The following SMO variants were observed in gnomAD, a reference collection of about 807,000 sequenced individuals.
SMO encodes the protein smoothened, frizzled class receptor, also known as protein smoothened.
Under a neutral mutation model 81.6 loss-of-function variants are expected in SMO, and 40 were observed. The ratio of observed to expected loss-of-function variants is 0.49; its 90% CI spans 0.38 to 0.64. SMO has a LOEUF of 0.64. SMO is among the 30% of genes least tolerant of loss of function. The probability of loss-of-function intolerance (pLI) is 0.00; values close to 1 mark genes in which losing one functional copy is unlikely to be tolerated. For missense variants in SMO, 916 were observed against 1,061.1 expected, an observed-to-expected ratio of 0.86 and a Z score of 1.90; for synonymous variants, 434 against 432.1, an observed-to-expected ratio of 1.00 and a Z score of -0.05.
intron 1 of SMO, among the ~76,000 whole-genome samples, chr7:129,197,162 G>T (rs1038950698): frequency 6.6e-6 from 1 of 151,952 alleles, no homozygotes; most frequent in Non-Finnish European, 1.5e-5. Flanking sequence ...TGTGAGTAAT[G>T]AGTTTTGTTT....
rs56358283 is a variant in SMO at position 129,206,382 on chromosome 7, G to C, written c.1140+13G>C. The C allele has an allele frequency of 6.2e-7, 1 of 1,614,104 alleles. No homozygotes were observed. ...TGCTGTGGCGCAGGTATAGTGACTG[G>C]TAGGAACGGGAGACCTGGATGGGGT... On this transcript the variant is annotated intron_variant, in intron 5 of 11. Coordinates refer to ENST00000249373, the MANE Select transcript of SMO (RefSeq NM_005631.5). This position sits in a 1 kb window ranked among gnomAD's most constrained non-coding sequence, Gnocchi z 4.4.
chr7:129,211,784 A>G lies in SMO; in HGVS notation c.1936+14A>G. The G allele has an allele frequency of 6.2e-7, 1 of 1,613,974 alleles. No individual in the cohort carries two copies. Among genetic ancestry groups the G allele is most frequent in the Non-Finnish European group, 8.5e-7 (1 of 1,179,916 alleles). On this transcript the variant is annotated intron_variant, in intron 11 of 11. Coordinates refer to ENST00000249373, the MANE Select transcript of SMO (RefSeq NM_005631.5). The surrounding 1 kb of genome is among the most constrained non-coding windows in gnomAD (Gnocchi z 4.6). ...TGGCAACTCCAGGTATGAGAGTTCA[A>G]GCTTCTGGAGGAAGGTGGGGGGAGC...
Position 129,206,665 on chromosome 7 carries a change from C to T in SMO, c.1264+78C>T, listed in dbSNP as rs1225046745. On this transcript the variant is annotated intron_variant, in intron 6 of 11. Coordinates refer to ENST00000249373, the MANE Select transcript of SMO (RefSeq NM_005631.5). This position sits in a 1 kb window ranked among gnomAD's most constrained non-coding sequence, Gnocchi z 4.4. ...TGCTGCCAGTACTGGGAGCTGCCAG[C>T]ACGGCTGCCCCCATGCTGAAACCCC... 7 of 1,504,294 alleles carry T rather than the reference C, an allele frequency of 4.7e-6. No individual in the cohort carries two copies. Among genetic ancestry groups the T allele is most frequent in the African/African-American group, 1.4e-5 (1 of 72,964 alleles). The allele number at this position is 1,504,294 out of a possible 1,614,324, so 93.2% of individuals were successfully genotyped here.
In SMO at chr7:129,206,013, C is replaced by A; in HGVS notation, c.921-137C>A. ...GCTCCTAGAGCCTCCTCAGATCTGA[C>A]CTGGGTCCTGTCTCCAAGCCCTGAC... On this transcript the variant is annotated intron_variant, in intron 4 of 11. Coordinates refer to ENST00000249373, the MANE Select transcript of SMO (RefSeq NM_005631.5). This position sits in a 1 kb window ranked among gnomAD's most constrained non-coding sequence, Gnocchi z 4.4. The A allele has an allele frequency of 1.2e-6, 1 of 818,802 alleles. No individual in the cohort carries two copies. Among genetic ancestry groups the A allele is most frequent in the Non-Finnish European group, 2.0e-6 (1 of 505,918 alleles). 50.7% of individuals were successfully genotyped at this position (818,802 alleles called of 1,614,324 possible).
chr7:129,193,030 C>T (rs1442141979), intron 1 of SMO, among the ~76,000 whole-genome samples: 1 of 152,166 alleles, frequency 6.6e-6, no homozygotes, highest in African/African-American at 2.4e-5. Context: ...TGGCCTCAGG[C>T]TTCTTCAGTC....
intron 2 of SMO, 116 bp from the exon 3 acceptor site, chr7:129,205,087 C>T: frequency 1.2e-6 from 1 of 821,280 alleles, no homozygotes; most frequent in Non-Finnish European, 2.0e-6. Context: ...CCCTGGGATT[C>T]AGGTCCTGGA....
Position 129,211,123 on chromosome 7 carries a change from A to G in SMO, c.1801+10A>G. On this transcript the variant is annotated intron_variant, in intron 10 of 11. Coordinates refer to ENST00000249373, the MANE Select transcript of SMO (RefSeq NM_005631.5). This position sits in a 1 kb window ranked among gnomAD's most constrained non-coding sequence, Gnocchi z 4.6. ...CACGACGGGCCCGTGGGTGAGCCTC[A>G]CCCCTCCTCTACCGGAGCCGCCTGG... 2 of 1,595,504 alleles carry G rather than the reference A, an allele frequency of 1.3e-6. No homozygotes were observed. Among genetic ancestry groups the G allele is most frequent in the South Asian group, 2.3e-5 (2 of 88,312 alleles).
In SMO at chr7:129,212,180, C is replaced by G. The variant is rs116640950; in HGVS notation, c.2093C>G (p.Pro698Arg). 4,505 of 1,557,256 alleles carry G rather than the reference C, an allele frequency of 2.9e-3. 10 individuals are homozygous for G. Among genetic ancestry groups the G allele is most frequent in the Non-Finnish European group, 3.6e-3 (4,125 of 1,150,342 alleles). Residue 698 changes from proline (P) to arginine (R), a missense_variant, in exon 12 of 12, where the codon CCC (proline) becomes CGC (arginine). Physicochemically the swap from Pro to Arg is moderately radical, Grantham distance 103. Around this residue, in one of 4 missense-constraint regions of SMO, gnomAD observed 324 missense variants for 312.9 expected, o/e 1.04. Transcript: ENST00000249373. The surrounding 1 kb of genome is among the most constrained non-coding windows in gnomAD (Gnocchi z 5.0). ...GAGCTTCACCCCCCTGCCCCTGCCC[C>G]CAGTACCATTCCTCGACTGCCTCAG... ...PPELHPPAPA[P>R]STIPRLPQLP...
rs373730958 is a variant in SMO, at chr7:129,205,639, G to A, written c.777G>A (p.Ser259=). Residue 259 remains serine (S), a synonymous_variant, in exon 4 of 12, where the codon TCG becomes TCA. Transcript: ENST00000249373. ...CATTCGTGGCTGACTGGCGGAACTC[G>A]AATCGCTACCCTGCTGTTATTCTCT... is the stretch of plus-strand genomic sequence containing the variant. ...LATFVADWRN[S]NRYPAVILFY... is the part of the protein sequence containing the mutation. 136 of 1,613,792 alleles carry A rather than the reference G, an allele frequency of 8.4e-5. No homozygotes were observed. Among genetic ancestry groups the A allele is most frequent in the Non-Finnish European group, 1.0e-4 (123 of 1,179,838 alleles).
At position 129,210,639 on chromosome 7, in the gene SMO, C is replaced by T. The variant is rs751195138; in HGVS notation, c.1652+91C>T. 114 of 1,076,840 alleles carry T rather than the reference C, an allele frequency of 1.1e-4. No homozygotes were observed. The highest frequency in any genetic ancestry group is 1.4e-4 in the Non-Finnish European group (103 of 723,818). The allele number at this position is 1,076,840 out of a possible 1,614,324, so 66.7% of individuals were successfully genotyped here. A position where few individuals can be genotyped will look rare whatever the true frequency, so the allele number is the denominator to read the frequency against. On this transcript the variant is annotated intron_variant, in intron 9 of 11. Coordinates refer to ENST00000249373, the MANE Select transcript of SMO (RefSeq NM_005631.5). The surrounding 1 kb of genome is among the most constrained non-coding windows in gnomAD (Gnocchi z 4.7). ...AGGTTTTGTCGGGTCCTGCCTCTAG[C>T]ACAGCCTTGGTCAGTGGTTCACCGC...
chr7:129,189,631 G>C lies in SMO; in HGVS notation c.331+149G>C, dbSNP rs1056392408. 14 of 864,262 alleles carry C rather than the reference G, an allele frequency of 1.6e-5. No homozygotes were observed. The African/African-American group carries it at 2.4e-4, about 15-fold the overall frequency. 53.5% of individuals were successfully genotyped at this position (864,262 alleles called of 1,614,324 possible). A position where few individuals can be genotyped will look rare whatever the true frequency, so the allele number is the denominator to read the frequency against. On this transcript the variant is annotated intron_variant, in intron 1 of 11. Coordinates refer to ENST00000249373, the MANE Select transcript of SMO (RefSeq NM_005631.5). The surrounding 1 kb of genome is among the most constrained non-coding windows in gnomAD (Gnocchi z 4.7). ...AGGGACAGATCCCGAAACTTTGGGG[G>C]CAGGTTACGTGCAGGATGGGACCCT...
At chr7:129,194,532 G>A (rs1452323352) in intron 1 of SMO, among the ~76,000 whole-genome samples, 9 of 152,168 alleles carry the variant, frequency 5.9e-5, no homozygotes, top group South Asian at 2.1e-4. Context: ...TCTGTGTCTT[G>A]TCTAGTCACA....
Position 129,188,917 on chromosome 7 carries a change from T to C in SMO, c.-235T>C. 1 of 336,726 alleles carries C rather than the reference T, an allele frequency of 3.0e-6. No homozygotes were observed. Among genetic ancestry groups the C allele is most frequent in the Non-Finnish European group, 5.4e-6 (1 of 185,936 alleles). The allele number at this position is 336,726 out of a possible 1,614,324, so 20.9% of individuals were successfully genotyped here. ...TGCGAGGCTAGGGCTTGGGGAGTCG[T>C]GCATCCCGTTCCGGGCCTCCGCAGC... On this transcript the variant is annotated 5_prime_UTR_variant, in exon 1 of 12. Coordinates refer to ENST00000249373, the MANE Select transcript of SMO (RefSeq NM_005631.5). This position sits in a 1 kb window ranked among gnomAD's most constrained non-coding sequence, Gnocchi z 4.9.
intron 1 of SMO, among the ~76,000 whole-genome samples, chr7:129,191,637 G>C (rs1793483478): frequency 6.6e-6 from 1 of 152,148 alleles, no homozygotes; most frequent in African/African-American, 2.4e-5. Flanking sequence ...GGTAGCCTCT[G>C]GCAAGTGATT....
At position 129,208,660 on chromosome 7, in the gene SMO, T is replaced by G. The variant is rs182310926; in HGVS notation, c.1265-99T>G. ...TCATTTAGCACAGGGGTAATCAGAC[T>G]TGGGACTCCAGAGCCTTAGGACCCT... is the stretch of plus-strand genomic sequence containing the variant. On this transcript the variant is annotated intron_variant, in intron 6 of 11. Coordinates refer to ENST00000249373, the MANE Select transcript of SMO (RefSeq NM_005631.5). This position sits in a 1 kb window ranked among gnomAD's most constrained non-coding sequence, Gnocchi z 5.2. 236 of 719,498 alleles carry G rather than the reference T, an allele frequency of 3.3e-4. No individual in the cohort carries two copies. The African/African-American group carries it at 3.7e-3, about 11-fold the overall frequency. The allele number at this position is 719,498 out of a possible 1,614,324, so 44.6% of individuals were successfully genotyped here.
chr7:129,193,042 C>CT (rs1386113969), intron 1 of SMO, among the ~76,000 whole-genome samples: 2 of 152,192 alleles, frequency 1.3e-5, no homozygotes, highest in East Asian at 3.8e-4. Context: ...TCTTCAGTCA[C>CT]TTAGCATCTC....
chr7:129,195,253 C>T (rs1793554694), intron 1 of SMO, among the ~76,000 whole-genome samples: 1 of 152,228 alleles, frequency 6.6e-6, no homozygotes, highest in East Asian at 1.9e-4. Context: ...ATACTTTAGG[C>T]TTTTGCCAAA....
intron 1 of SMO, among the ~76,000 whole-genome samples, chr7:129,199,928 A>G (rs1263624520): frequency 6.6e-6 from 1 of 152,028 alleles, no homozygotes; most frequent in East Asian, 1.9e-4. Context: ...GAATTATGCA[A>G]TTTTTACTGA....
rs752089754 is a variant in SMO, at chr7:129,208,743, T to C, written c.1265-16T>C. Reference sequence around the variant, plus strand: ...GCCTCACCCCTGCTAATGTCTGAGGTCCCCCTTCTGTTCAGGAGTCATGAC... The same window carrying C: ...GCCTCACCCCTGCTAATGTCTGAGGCCCCCCTTCTGTTCAGGAGTCATGAC... On this transcript the variant is annotated splice_polypyrimidine_tract_variant and intron_variant, in intron 6 of 11. Coordinates refer to ENST00000249373, the MANE Select transcript of SMO (RefSeq NM_005631.5). The surrounding 1 kb of genome is among the most constrained non-coding windows in gnomAD (Gnocchi z 5.2). 6.4e-7 allele frequency: 1 copy of C among 1,570,418 alleles called. No homozygotes were observed. The highest frequency in any genetic ancestry group is 1.1e-5 in the South Asian group (1 of 90,032).
Sources: gnomAD v4.1 joint callset for allele counts (sites outside exome capture counted in the v4.1 genomes callset) on GRCh38, gnomAD v4.1.1 for gene constraint, gnomAD v4.1.1 regional missense constraint, Gnocchi (gnomAD v3.1) non-coding constraint, MANE v1.5 for transcripts, NCBI Gene and HGNC (gene_info 2026-07-23, HGNC 2026-07-21) for gene names.